CCAR1: variants seen among roughly 807,000 people sequenced by gnomAD.
CCAR1 encodes cell division cycle and apoptosis regulator protein 1.
CCAR1 carries 78 observed loss-of-function variants against 163.8 expected under a neutral mutation model. That is an observed-to-expected ratio of 0.48 (90% CI 0.40 to 0.57). CCAR1 has a LOEUF of 0.57. CCAR1 is among the 20% of genes least tolerant of loss of function. The probability of loss-of-function intolerance (pLI) is 0.00; values close to 1 mark genes in which losing one functional copy is unlikely to be tolerated. For missense variants in CCAR1, 1,019 were observed against 1,365.2 expected (o/e 0.75, Z 4.00); for synonymous variants, 443 against 460.7 (o/e 0.96, Z 0.49).
chr10:68,776,426 C>T (rs566516110), intron 19 of CCAR1, among the ~76,000 whole-genome samples: 65 of 152,002 alleles, frequency 4.3e-4, no homozygotes, highest in Non-Finnish European at 5.7e-4. Flanking sequence ...ATTAGCTGGG[C>T]GTGGTGGCGG....
rs545333708 is a variant in CCAR1 at position 68,764,031 on chromosome 10, G to T, written c.2107-1857G>T. On this transcript the variant is annotated intron_variant, in intron 16 of 24. Transcript: ENST00000265872. ...CTCCCAACCCCTTTCAGTGAACAGA[G>T]ATATGGAAGATAGATATATAGATAA... is the stretch of plus-strand genomic sequence containing the variant. Among the ~76,000 whole-genome samples the T allele has an allele frequency of 4.6e-5, 7 of 152,198 alleles. No homozygotes were observed. The South Asian group carries it at 1.5e-3, about 32-fold the overall frequency.
chr10:68,773,063 C>T lies in CCAR1; in HGVS notation c.2614C>T (p.Pro872Ser). The part of the protein sequence containing the change: ...EEDNNQDEYD[P>S]MEAEEAEDEE... ...AGATAACAATCAAGATGAATATGAC[C>T]CTATGGAAGCAGAAGAAGCTGAGGA... The change falls in exon 19 of 25, where the codon CCT becomes TCT. Residue 872 changes from proline (P) to serine (S), a missense_variant. Pro to Ser is a moderately conservative substitution (Grantham distance 74). Coordinates refer to ENST00000265872, the MANE Select transcript of CCAR1 (RefSeq NM_018237.4). The T allele has an allele frequency of 6.4e-7, 1 of 1,554,956 alleles. No individual in the cohort carries two copies. Among genetic ancestry groups the T allele is most frequent in the Admixed American group, 1.9e-5 (1 of 54,028 alleles).
intron 2 of CCAR1, among the ~76,000 whole-genome samples, chr10:68,736,094 C>A (rs2056106185): frequency 6.6e-6 from 1 of 152,080 alleles, no homozygotes. Flanking sequence ...CTCAGGTGAT[C>A]CTCCCGCCTC....
chr10:68,786,371 G>GTA (rs2056795309), intron 20 of CCAR1, among the ~76,000 whole-genome samples, 153 bp downstream of exon 20: 1 of 152,066 alleles, frequency 6.6e-6, no homozygotes, highest in East Asian at 1.9e-4. Context: ...CAGATAACTA[G>GTA]TATGTCTGAT....
chr10:68,741,882 CA>C (rs2056188686), intron 5 of CCAR1, among the ~76,000 whole-genome samples: 1 of 152,130 alleles, frequency 6.6e-6, no homozygotes, highest in South Asian at 2.1e-4. Flanking sequence ...ATTGAGAAAT[CA>C]ACCTGTTTTT....
chr10:68,746,642 A>G (rs1183287099), intron 6 of CCAR1, among the ~76,000 whole-genome samples: 1 of 152,070 alleles, frequency 6.6e-6, no homozygotes, highest in East Asian at 1.9e-4. Flanking sequence ...CCAGGGCACC[A>G]TCTCAGCTCA....
chr10:68,784,670 T>C, intron 19 of CCAR1, among the ~76,000 whole-genome samples: 1 of 152,028 alleles, frequency 6.6e-6, no homozygotes, highest in East Asian at 1.9e-4. Flanking sequence ...CACGTCTGCC[T>C]CCCAAGTAGC....
intron 15 of CCAR1, among the ~76,000 whole-genome samples, chr10:68,758,558 CATAT>C (rs1305032708): frequency 8.8e-5 from 12 of 136,194 alleles, no homozygotes; most frequent in African/African-American, 3.3e-4. Context: ...ACAGTGTATA[CATAT>C]ATATATGTAC....
At chr10:68,766,185 G>A (rs2056532955) in intron 17 of CCAR1, 106 bp downstream of exon 17, 1 of 746,916 alleles carries the variant, frequency 1.3e-6, no homozygotes, top group South Asian at 2.2e-5. Context: ...CGCTTTTCGT[G>A]GTTTTTTTTG....
intron 8 of CCAR1, among the ~76,000 whole-genome samples, chr10:68,748,763 A>C (rs1012847735): frequency 1.3e-5 from 2 of 151,960 alleles, no homozygotes; most frequent in Non-Finnish European, 2.9e-5. Flanking sequence ...ACTGAGGCAT[A>C]GGTGCAGTGG....
intron 6 of CCAR1, among the ~76,000 whole-genome samples, chr10:68,745,342 C>T (rs1032790738): frequency 6.6e-6 from 1 of 151,804 alleles, no homozygotes; most frequent in Admixed American, 6.6e-5. Flanking sequence ...GTCTCTTTTG[C>T]CCAGGCTGGG....
At chr10:68,737,728 A>G in intron 3 of CCAR1, 117 bp from the exon 4 acceptor site, 1 of 504,150 alleles carries the variant, frequency 2.0e-6, no homozygotes, top group Non-Finnish European at 3.4e-6. Flanking sequence ...ATGCCACACC[A>G]GAACAGAAAG....
chr10:68,735,281 C>T (rs924989819), intron 2 of CCAR1, among the ~76,000 whole-genome samples: 10 of 151,258 alleles, frequency 6.6e-5, no homozygotes, highest in Non-Finnish European at 5.9e-5. Flanking sequence ...CTGGGGAGGT[C>T]GAGGCGTCCA....
chr10:68,729,276 T>G (rs1008296346), intron 2 of CCAR1, among the ~76,000 whole-genome samples: 1 of 148,868 alleles, frequency 6.7e-6, no homozygotes, highest in Non-Finnish European at 1.5e-5. Flanking sequence ...TTTTTTTGGT[T>G]TTTTTTTTTT....
intron 19 of CCAR1, among the ~76,000 whole-genome samples, chr10:68,784,915 C>CTT (rs754185332): frequency 4.6e-4 from 57 of 124,744 alleles, no homozygotes; most frequent in African/African-American, 8.4e-4. Context: ...GTGAACATAA[C>CTT]TTTTTTTTTT....
intron 19 of CCAR1, 70 bp from the exon 20 acceptor site, chr10:68,786,066 T>G: frequency 1.0e-6 from 1 of 993,532 alleles, no homozygotes; most frequent in Non-Finnish European, 1.6e-6. Flanking sequence ...ATAACAGTCA[T>G]GTGCCACTGT....
chr10:68,758,307 C>T (rs989837705), intron 15 of CCAR1, among the ~76,000 whole-genome samples: 16 of 151,968 alleles, frequency 1.1e-4, no homozygotes, highest in African/African-American at 2.4e-4. Context: ...TATCCACCCC[C>T]GCCTCCCAGA....
In CCAR1 at chr10:68,791,374, T is replaced by G; in HGVS notation, c.*108T>G. 1 of 650,518 alleles carries G rather than the reference T, an allele frequency of 1.5e-6. No homozygotes were observed. Among genetic ancestry groups the G allele is most frequent in the East Asian group, 3.1e-5 (1 of 32,046 alleles). 40.3% of individuals were successfully genotyped at this position (650,518 alleles called of 1,614,324 possible). A position where few individuals can be genotyped will look rare whatever the true frequency, so the allele number is the denominator to read the frequency against. On this transcript the variant is annotated 3_prime_UTR_variant, in exon 25 of 25. Transcript: ENST00000265872. ...ATGTTTGATTTTAGTAGTATAAATG[T>G]ATTTTAGTTCAAATGATGTATAAAG...
chr10:68,770,942 G>T (rs1589183618), intron 17 of CCAR1, among the ~76,000 whole-genome samples: 1 of 152,080 alleles, frequency 6.6e-6, no homozygotes, highest in Non-Finnish European at 1.5e-5. Context: ...GCCGGGCGTG[G>T]TGGCGGGCGC....
Sources: gnomAD v4.1 joint callset for allele counts (sites outside exome capture counted in the v4.1 genomes callset) on GRCh38, gnomAD v4.1.1 for gene constraint, MANE v1.5 for transcripts, NCBI Gene and HGNC (gene_info 2026-07-23, HGNC 2026-07-21) for gene names.